Variants in SEMA5A observed in about 807,000 individuals in gnomAD.
SEMA5A encodes the protein semaphorin 5A.
SEMA5A carries 55 observed loss-of-function variants against 135.5 expected under a neutral mutation model. The observed-to-expected ratio is 0.41, with a 90% CI of 0.33 to 0.51. The LOEUF (loss-of-function observed/expected upper bound fraction) is 0.51. SEMA5A is among the 20% of genes least tolerant of loss of function. The pLI is 0.37. For synonymous variants in SEMA5A, 580 were observed against 546.5 expected (o/e 1.06, Z -0.85); for missense variants, 1,290 against 1,419.9 (o/e 0.91, Z 1.47).
chr5:9,184,030 C>A (rs1744670267), intron 11 of SEMA5A, among the ~76,000 whole-genome samples: 1 of 152,150 alleles, frequency 6.6e-6, no homozygotes, highest in South Asian at 2.1e-4. Context: ...CATCATTTGG[C>A]TGAATTTAGC....
intron 16 of SEMA5A, among the ~76,000 whole-genome samples, chr5:9,078,593 A>G (rs1307965501): frequency 6.6e-6 from 1 of 151,976 alleles, no homozygotes; most frequent in Non-Finnish European, 1.5e-5. Context: ...ATGTACACAC[A>G]CACACACACA....
intron 12 of SEMA5A, among the ~76,000 whole-genome samples, chr5:9,154,060 A>ATAT (rs1190123702): frequency 2.0e-5 from 1 of 50,268 alleles, no homozygotes; most frequent in East Asian, 3.9e-4. Flanking sequence ...AAAAAAAAAA[A>ATAT]AAATATATAT....
intron 1 of SEMA5A, among the ~76,000 whole-genome samples, chr5:9,507,877 G>T (rs1485792596): frequency 2.6e-5 from 4 of 151,984 alleles, no homozygotes; most frequent in Non-Finnish European, 5.9e-5. Context: ...GGTGGCGGGC[G>T]CCTGTAGTCC....
At chr5:9,396,217 C>T (rs1237598998) in intron 2 of SEMA5A, among the ~76,000 whole-genome samples, 4 of 149,716 alleles carry the variant, frequency 2.7e-5, no homozygotes, top group East Asian at 3.9e-4. Context: ...CTTAACAGAA[C>T]GGTCTCTTTT....
chr5:9,362,419 C>G lies in SEMA5A; in HGVS notation c.124+17404G>C, dbSNP rs377219986. Among the ~76,000 whole-genome samples the G allele has an allele frequency of 6.6e-5, 10 of 152,270 alleles. No individual in the cohort carries two copies. In the East Asian group the frequency reaches 1.7e-3, roughly 26 times the overall value. ...CTCGGCCTACTGTTTTGCTGGAAATCTTACAAAAGAACTATCTTCTGTATG... is the reference window on the plus strand; with the variant it reads ...CTCGGCCTACTGTTTTGCTGGAAATGTTACAAAAGAACTATCTTCTGTATG... On this transcript the variant is annotated intron_variant, in intron 3 of 22. Coordinates refer to ENST00000382496, the MANE Select transcript of SEMA5A (RefSeq NM_003966.3).
At chr5:9,349,423 C>T (rs1754015531) in intron 3 of SEMA5A, among the ~76,000 whole-genome samples, 1 of 152,012 alleles carries the variant, frequency 6.6e-6, no homozygotes, top group South Asian at 2.1e-4. Context: ...GCCTTCAAGA[C>T]ATTTATAATT....
At chr5:9,297,373 T>A (rs1420796390) in intron 5 of SEMA5A, among the ~76,000 whole-genome samples, 1 of 151,974 alleles carries the variant, frequency 6.6e-6, no homozygotes. Flanking sequence ...CTGCAGGTGG[T>A]GATTAGGTCA....
At chr5:9,388,922 G>A (rs1051726744) in intron 2 of SEMA5A, among the ~76,000 whole-genome samples, 2 of 151,348 alleles carry the variant, frequency 1.3e-5, no homozygotes, top group Admixed American at 6.6e-5. Context: ...AAGAAAGAAA[G>A]AAAAAAAAGA....
intron 3 of SEMA5A, among the ~76,000 whole-genome samples, chr5:9,353,246 G>GGA (rs1561177479): frequency 2.2e-4 from 26 of 118,090 alleles, no homozygotes; most frequent in African/African-American, 8.3e-4. Context: ...GAAGGAAAGG[G>GGA]AAGGGAAGGG....
chr5:9,174,212 T>G (rs1351903321), intron 11 of SEMA5A, among the ~76,000 whole-genome samples: 1 of 152,200 alleles, frequency 6.6e-6, no homozygotes, highest in Non-Finnish European at 1.5e-5. Flanking sequence ...ACTGCAGACA[T>G]TCTGGTGAAA....
chr5:9,324,100 G>A (rs970361607), intron 4 of SEMA5A, among the ~76,000 whole-genome samples: 3 of 150,336 alleles, frequency 2.0e-5, no homozygotes, highest in South Asian at 2.1e-4. Flanking sequence ...ATGGAGTCTC[G>A]CTCTTCCGCC....
chr5:9,488,220 T>A (rs1184483303), intron 1 of SEMA5A, among the ~76,000 whole-genome samples: 2 of 152,022 alleles, frequency 1.3e-5, no homozygotes, highest in Non-Finnish European at 2.9e-5. Context: ...GCTTCTCGAG[T>A]TTCAGGCTGA....
chr5:9,208,553 A>G (rs574747242), intron 8 of SEMA5A, among the ~76,000 whole-genome samples: 103 of 152,298 alleles, frequency 6.8e-4, no homozygotes, highest in African/African-American at 2.5e-3. Context: ...AGGAGAGAAT[A>G]GGGAAAGGGC....
intron 13 of SEMA5A, among the ~76,000 whole-genome samples, chr5:9,130,043 C>G (rs912039645): frequency 1.3e-5 from 2 of 152,158 alleles, no homozygotes; most frequent in Non-Finnish European, 2.9e-5. Context: ...TCTGTAATAG[C>G]AAATTTCCCT....
chr5:9,195,933 G>A (rs1394817638), intron 10 of SEMA5A, among the ~76,000 whole-genome samples: 2 of 152,268 alleles, frequency 1.3e-5, no homozygotes, highest in Non-Finnish European at 2.9e-5. Context: ...TCTGAGGACC[G>A]AGGTTGGAAT....
At chr5:9,206,113 C>T (rs1746000256) in intron 8 of SEMA5A, among the ~76,000 whole-genome samples, 1 of 152,096 alleles carries the variant, frequency 6.6e-6, no homozygotes, top group Non-Finnish European at 1.5e-5. Flanking sequence ...ATCTGTCACT[C>T]CTGAGTGAAT....
At chr5:9,282,148 C>G (rs1469723712) in intron 5 of SEMA5A, among the ~76,000 whole-genome samples, 1 of 152,108 alleles carries the variant, frequency 6.6e-6, no homozygotes, top group African/African-American at 2.4e-5. Context: ...CAGTTCAGTC[C>G]TCGTTTCCTT....
At chr5:9,155,559 G>A (rs948988329) in intron 11 of SEMA5A, among the ~76,000 whole-genome samples, 5 of 152,072 alleles carry the variant, frequency 3.3e-5, no homozygotes, top group South Asian at 2.1e-4. Context: ...TCTGGAAGCC[G>A]CTTAGAGATC....
intron 1 of SEMA5A, among the ~76,000 whole-genome samples, chr5:9,543,539 G>C (rs554517754): frequency 5.1e-4 from 77 of 152,306 alleles, no homozygotes; most frequent in African/African-American, 1.9e-3. Flanking sequence ...TCTCGCAGCT[G>C]TTTGACATTA....
Sources: gnomAD v4.1 joint callset for allele counts (sites outside exome capture counted in the v4.1 genomes callset) on GRCh38, gnomAD v4.1.1 for gene constraint, MANE v1.5 for transcripts, NCBI Gene and HGNC (gene_info 2026-07-23, HGNC 2026-07-21) for gene names.